Variants in FBXO33 observed in about 807,000 individuals in gnomAD.
The protein encoded by FBXO33 is F-box only protein 33.
In FBXO33, 22 loss-of-function variants were observed where a neutral mutation model predicts 46.3. The observed-to-expected ratio is 0.48, with a 90% CI of 0.34 to 0.68. The LOEUF is 0.68. Among genes scored for constraint, FBXO33 ranks in the 30% least tolerant of loss-of-function variants. The pLI is 0.01. For missense variants in FBXO33, 692 were observed against 708.8 expected, an observed-to-expected ratio of 0.98 and a Z score of 0.27; for synonymous variants, 337 against 291.3, an observed-to-expected ratio of 1.16 and a Z score of -1.60.
chr14:39,422,202 G>A (rs1004734995), intron 1 of FBXO33, among the ~76,000 whole-genome samples: 5 of 152,184 alleles, frequency 3.3e-5, no homozygotes, highest in Non-Finnish European at 7.3e-5. Context: ...AGGTTGCAGT[G>A]AGCCAATATT....
intron 1 of FBXO33, among the ~76,000 whole-genome samples, chr14:39,429,792 C>A (rs931590860): frequency 4.6e-5 from 7 of 152,052 alleles, no homozygotes; most frequent in Non-Finnish European, 8.8e-5. Context: ...GGGCAGGCAT[C>A]GGTGGCCTTA....
At chr14:39,415,890 C>T (rs2075446237) in intron 1 of FBXO33, among the ~76,000 whole-genome samples, 1 of 152,364 alleles carries the variant, frequency 6.6e-6, no homozygotes, top group Admixed American at 6.5e-5. Flanking sequence ...TGGTCTTGAA[C>T]TCCTGACCTC....
chr14:39,416,583 ATTCT>A (rs2075449708), intron 1 of FBXO33, among the ~76,000 whole-genome samples: 1 of 151,336 alleles, frequency 6.6e-6, no homozygotes, highest in Non-Finnish European at 1.5e-5. Flanking sequence ...CCTGTTTTCG[ATTCT>A]TTCTTCTGCT....
intron 1 of FBXO33, among the ~76,000 whole-genome samples, chr14:39,423,829 T>C (rs2075497464): frequency 6.6e-6 from 1 of 152,150 alleles, no homozygotes; most frequent in Admixed American, 6.5e-5. Context: ...AAAATAACTT[T>C]TATTTTAGAA....
chr14:39,406,231 A>C (rs117924222), intron 1 of FBXO33, among the ~76,000 whole-genome samples: 1 of 152,210 alleles, frequency 6.6e-6, no homozygotes, highest in Admixed American at 6.5e-5. Context: ...TTTGGAGAAT[A>C]TAAGGTATTA....
intron 1 of FBXO33, among the ~76,000 whole-genome samples, chr14:39,407,910 T>A (rs770096944): frequency 6.6e-6 from 1 of 152,196 alleles, no homozygotes; most frequent in African/African-American, 2.4e-5. Context: ...CCACAAACAG[T>A]TGTATAAAAG....
intron 1 of FBXO33, among the ~76,000 whole-genome samples, chr14:39,409,254 G>C (rs2075412097): frequency 6.6e-6 from 1 of 152,018 alleles, no homozygotes; most frequent in Non-Finnish European, 1.5e-5. Context: ...ATTTTGCTTT[G>C]ATTTCTGGCC....
intron 1 of FBXO33, among the ~76,000 whole-genome samples, chr14:39,427,548 A>G (rs1453161563): frequency 3.3e-5 from 5 of 152,212 alleles, no homozygotes; most frequent in South Asian, 2.1e-4. Context: ...TTCAAGAAAA[A>G]TAAGGCTAAA....
intron 1 of FBXO33, among the ~76,000 whole-genome samples, chr14:39,426,377 C>T (rs1160479222): frequency 6.6e-6 from 1 of 152,124 alleles, no homozygotes; most frequent in African/African-American, 2.4e-5. Context: ...TCATCTCTTG[C>T]TTAGAGTACA....
intron 1 of FBXO33, among the ~76,000 whole-genome samples, chr14:39,431,275 G>T (rs917875756): frequency 1.3e-5 from 2 of 152,100 alleles, no homozygotes; most frequent in African/African-American, 4.8e-5. Context: ...AAGTGACAGC[G>T]CCTGTCAGCT....
intron 1 of FBXO33, among the ~76,000 whole-genome samples, chr14:39,418,997 T>A (rs1464947293): frequency 4.6e-5 from 7 of 152,166 alleles, no homozygotes; most frequent in Non-Finnish European, 1.0e-4. Context: ...GCACAAACTT[T>A]CCCTATATAT....
intron 3 of FBXO33, 105 bp from the exon 4 acceptor site, chr14:39,399,892 T>C: frequency 3.2e-6 from 4 of 1,249,492 alleles, no homozygotes; most frequent in Non-Finnish European, 4.3e-6. Context: ...GCTTCAAATT[T>C]GTATCTCACT....
intron 1 of FBXO33, among the ~76,000 whole-genome samples, chr14:39,405,944 A>T (rs1043317388): frequency 1.6e-5 from 2 of 124,020 alleles, no homozygotes; most frequent in Non-Finnish European, 3.9e-5. Context: ...TGTATTTTAA[A>T]AAACATTTCA....
intron 1 of FBXO33, among the ~76,000 whole-genome samples, chr14:39,412,276 C>T (rs2075426924): frequency 6.6e-6 from 1 of 152,084 alleles, no homozygotes; most frequent in African/African-American, 2.4e-5. Flanking sequence ...ATTGTTTTGT[C>T]TTCCTGACTG....
intron 3 of FBXO33, among the ~76,000 whole-genome samples, chr14:39,400,441 T>C (rs1029553831): frequency 1.3e-5 from 2 of 152,214 alleles, no homozygotes; most frequent in African/African-American, 4.8e-5. Flanking sequence ...GATATGTCTT[T>C]AGCCCATTGT....
intron 2 of FBXO33, 99 bp from the exon 3 acceptor site, chr14:39,401,960 G>T: frequency 1.1e-6 from 1 of 907,076 alleles, no homozygotes; most frequent in South Asian, 1.7e-5. Flanking sequence ...ATGCAATTTT[G>T]AGATCTATTT....
intron 1 of FBXO33, among the ~76,000 whole-genome samples, chr14:39,409,926 G>GT (rs1018599251): frequency 3.4e-3 from 506 of 148,180 alleles, no homozygotes; most frequent in African/African-American, 0.011. Context: ...TTTATTAAGA[G>GT]TTTTTTTTTT....
intron 1 of FBXO33, among the ~76,000 whole-genome samples, chr14:39,422,878 C>G (rs1340412770): frequency 6.6e-6 from 1 of 152,200 alleles, no homozygotes; most frequent in Non-Finnish European, 1.5e-5. Context: ...AATCCTAGCA[C>G]TTTGGGAAGC....
chr14:39,425,421 T>A (rs1567079008), intron 1 of FBXO33, among the ~76,000 whole-genome samples: 1 of 152,230 alleles, frequency 6.6e-6, no homozygotes, highest in Non-Finnish European at 1.5e-5. Flanking sequence ...TATGGAAACA[T>A]AAAAGAACAT....
Sources: allele counts gnomAD v4.1 joint callset (sites outside exome capture counted in the v4.1 genomes callset), GRCh38; gene constraint gnomAD v4.1.1; transcripts MANE v1.5; gene names NCBI Gene and HGNC (gene_info 2026-07-23, HGNC 2026-07-21).